Variants in FRMPD4 observed in about 807,000 individuals in gnomAD.
FRMPD4 encodes FERM and PDZ domain containing 4, also known as FERM and PDZ domain-containing protein 4.
A neutral mutation model predicts 94.1 loss-of-function variants in FRMPD4; 22 were observed. The observed-to-expected ratio is 0.23, with a 90% CI of 0.17 to 0.33. FRMPD4 has a LOEUF of 0.33. FRMPD4 is among the 10% of genes least tolerant of loss of function. The pLI is 1.00. For missense variants in FRMPD4, 1,111 were observed against 1,339.9 expected (o/e 0.83, Z 2.67); for synonymous variants, 631 against 548.6 (o/e 1.15, Z -2.10).
intron 1 of FRMPD4, among the ~76,000 whole-genome samples, chrX:12,318,524 AAAAC>A (rs1392300246): frequency 8.9e-6 from 1 of 111,798 alleles, no homozygotes; most frequent in African/African-American, 3.3e-5. Context: ...ACTCTGTCTC[AAAAC>A]AAACAAACAA....
At chrX:11,933,822 G>A (rs1569128672) in intron 3 of FRMPD4, among the ~76,000 whole-genome samples, 1 of 111,838 alleles carries the variant, frequency 8.9e-6, no homozygotes, top group East Asian at 2.8e-4. Context: ...TTAGTGGCAG[G>A]GCTTCTAATT....
chrX:12,572,440 A>G (rs1365363794), intron 2 of FRMPD4, among the ~76,000 whole-genome samples: 2 of 112,801 alleles, frequency 1.8e-5, no homozygotes, highest in South Asian at 3.7e-4. Flanking sequence ...AGCAAAATAA[A>G]TGCTGCCTTT....
At position 12,717,817 on chromosome X, in the gene FRMPD4, G is replaced by C. The variant is rs764397385; in HGVS notation, c.2991G>C (p.Met997Ile). ...KQLLHSDHME[M>I]EPETMETKSV... ...TACTTCACTCAGACCACATGGAGAT[G>C]GAGCCTGAAACTATGGAGACTAAGT... Residue 997 changes from methionine (M) to isoleucine (I), a missense_variant, in exon 16 of 17, where the codon ATG becomes ATC. Physicochemically the swap from Met to Ile is conservative, Grantham distance 10. This residue lies in a region of FRMPD4 where 551 missense variants were observed against 591.6 expected (regional missense o/e 0.93). Transcript: ENST00000675598. The C allele has an allele frequency of 8.3e-7, 1 of 1,209,931 alleles. No homozygotes were observed. The highest frequency in any genetic ancestry group is 1.7e-5 in the African/African-American group (1 of 57,405).
intron 1 of FRMPD4, among the ~76,000 whole-genome samples, chrX:12,380,789 T>A (rs1484900698): frequency 8.9e-6 from 1 of 112,363 alleles, no homozygotes; most frequent in East Asian, 2.8e-4. Context: ...CAGAGCAGCC[T>A]TTTGTGAAGA....
At chrX:12,302,850 G>A (rs764299122) in intron 1 of FRMPD4, among the ~76,000 whole-genome samples, 1 of 111,971 alleles carries the variant, frequency 8.9e-6, no homozygotes, top group South Asian at 3.7e-4. Flanking sequence ...TACATATAAT[G>A]CAATAAAGCT....
intron 1 of FRMPD4, among the ~76,000 whole-genome samples, chrX:12,227,473 A>C (rs189089605): frequency 1.2e-3 from 132 of 111,459 alleles, no homozygotes; most frequent in African/African-American, 4.2e-3. Context: ...TAATTGGAGG[A>C]ATTGAGATCC....
intron 3 of FRMPD4, among the ~76,000 whole-genome samples, chrX:12,051,816 T>A (rs995423858): frequency 1.8e-5 from 2 of 110,786 alleles, no homozygotes; most frequent in African/African-American, 6.6e-5. Context: ...GTGGTTGAAG[T>A]GATGACAAAG....
intron 2 of FRMPD4, among the ~76,000 whole-genome samples, chrX:12,599,447 C>A (rs765240569): frequency 1.8e-5 from 2 of 111,688 alleles, no homozygotes; most frequent in Non-Finnish European, 3.8e-5. Context: ...AGGATTCAAT[C>A]TATCAGAGCC....
chrX:11,865,559 C>G (rs1010987240), intron 2 of FRMPD4, among the ~76,000 whole-genome samples: 3 of 111,545 alleles, frequency 2.7e-5, no homozygotes, highest in East Asian at 2.8e-4. Flanking sequence ...TCTAATCAAC[C>G]CTTATAGCAG....
intron 3 of FRMPD4, among the ~76,000 whole-genome samples, chrX:11,946,533 C>T (rs955072779): frequency 1.8e-5 from 2 of 111,768 alleles, no homozygotes; most frequent in Non-Finnish European, 3.8e-5. Context: ...TGACCAGCAA[C>T]ACCCCTGATG....
chrX:12,143,770 G>A (rs906397516), intron 1 of FRMPD4, among the ~76,000 whole-genome samples: 6 of 112,283 alleles, frequency 5.3e-5, no homozygotes, highest in African/African-American at 1.9e-4. Context: ...ATTCACTAAT[G>A]CACATTACCA....
intron 4 of FRMPD4, among the ~76,000 whole-genome samples, chrX:12,628,564 G>T (rs1010889506): frequency 8.9e-6 from 1 of 112,560 alleles, no homozygotes; most frequent in Non-Finnish European, 1.9e-5. Flanking sequence ...CCTTCCCAGG[G>T]TTCTGACTAG....
At chrX:12,247,831 C>T (rs1217829038) in intron 1 of FRMPD4, among the ~76,000 whole-genome samples, 1 of 111,708 alleles carries the variant, frequency 9.0e-6, no homozygotes, top group East Asian at 2.8e-4. Context: ...GTTATAAAAG[C>T]GGATATTGAG....
intron 1 of FRMPD4, among the ~76,000 whole-genome samples, chrX:12,373,627 T>C (rs1328639469): frequency 8.9e-6 from 1 of 111,998 alleles, no homozygotes; most frequent in Non-Finnish European, 1.9e-5. Context: ...TAGAATAATA[T>C]TATCTCCCAA....
chrX:12,633,351 GT>G (rs1159056907), intron 4 of FRMPD4, among the ~76,000 whole-genome samples: 1 of 111,919 alleles, frequency 8.9e-6, no homozygotes, highest in Non-Finnish European at 1.9e-5. Flanking sequence ...AAAGGTCCAA[GT>G]TGACTTTCAG....
At chrX:11,831,422 C>T (rs1227123538) in intron 1 of FRMPD4, among the ~76,000 whole-genome samples, 6 of 111,057 alleles carry the variant, frequency 5.4e-5, no homozygotes, top group Non-Finnish European at 1.1e-4. Context: ...GCTTTGGTGA[C>T]TGGGTAAATA....
chrX:12,590,918 C>G (rs2058976546), intron 2 of FRMPD4, among the ~76,000 whole-genome samples: 1 of 112,050 alleles, frequency 8.9e-6, no homozygotes, highest in African/African-American at 3.2e-5. Flanking sequence ...AAGCTTCCTC[C>G]AAGAGCCAAA....
chrX:12,011,174 A>G (rs2054578915), intron 3 of FRMPD4, among the ~76,000 whole-genome samples: 1 of 112,299 alleles, frequency 8.9e-6, no homozygotes, highest in Non-Finnish European at 1.9e-5. Flanking sequence ...TTGCAGAATC[A>G]TTTTAGGTAT....
intron 3 of FRMPD4, among the ~76,000 whole-genome samples, chrX:11,974,759 T>C (rs998517144): frequency 9.0e-6 from 1 of 111,673 alleles, no homozygotes; most frequent in African/African-American, 3.3e-5. Context: ...GAAGTTATTA[T>C]GAAAGGAGGG....
Sources: allele counts gnomAD v4.1 joint callset (sites outside exome capture counted in the v4.1 genomes callset), GRCh38; gene constraint gnomAD v4.1.1; regional missense constraint gnomAD v4.1.1; transcripts MANE v1.5; gene names NCBI Gene and HGNC (gene_info 2026-07-23, HGNC 2026-07-21).